The following SIPA1L3 variants were observed in gnomAD, a reference collection of about 807,000 sequenced individuals.
SIPA1L3 encodes signal induced proliferation associated 1 like 3, also known as signal-induced proliferation-associated 1-like protein 3.
A neutral mutation model predicts 150.1 loss-of-function variants in SIPA1L3; 59 were observed. The observed-to-expected ratio is 0.39, with a 90% confidence interval of 0.32 to 0.49. The LOEUF (loss-of-function observed/expected upper bound fraction) is 0.49. SIPA1L3 is among the 20% of genes least tolerant of loss of function. The pLI, the probability that SIPA1L3 is intolerant of heterozygous loss-of-function variation, is 0.86. For synonymous variants in SIPA1L3, 1,070 were observed against 1,077.6 expected, an observed-to-expected ratio of 0.99 and a Z score of 0.14; for missense variants, 2,211 against 2,489.5, an observed-to-expected ratio of 0.89 and a Z score of 2.38.
At chr19:38,152,376 G>A (rs1047838572) in intron 12 of SIPA1L3, among the ~76,000 whole-genome samples, 1 of 152,208 alleles carries the variant, frequency 6.6e-6, no homozygotes, top group Non-Finnish European at 1.5e-5. Flanking sequence ...GCCATGGTGA[G>A]CTTTGAAGCC....
chr19:38,015,154 C>T (rs1568502981), intron 1 of SIPA1L3, among the ~76,000 whole-genome samples: 1 of 152,194 alleles, frequency 6.6e-6, no homozygotes, highest in Non-Finnish European at 1.5e-5. Flanking sequence ...TCATTTCACT[C>T]ATTGGAATCA....
At chr19:38,013,516 TG>T (rs1314452510) in intron 1 of SIPA1L3, among the ~76,000 whole-genome samples, 1 of 152,230 alleles carries the variant, frequency 6.6e-6, no homozygotes, top group Non-Finnish European at 1.5e-5. Flanking sequence ...AGTCCCCTCC[TG>T]TGAGGACACC....
At chr19:38,119,958 G>A in intron 9 of SIPA1L3, 76 bp downstream of exon 9, 1 of 1,041,676 alleles carries the variant, frequency 9.6e-7, no homozygotes, top group East Asian at 2.5e-5. Context: ...TACTTCCCTA[G>A]CCCAGTCAGT....
intron 10 of SIPA1L3, among the ~76,000 whole-genome samples, chr19:38,136,176 A>ACT (rs3045987): frequency 0.62 from 63,083 of 101,132 alleles, 21,468 homozygotes; most frequent in African/African-American, 0.85. Context: ...AGAGAGTGAG[A>ACT]CTGTCTCAAA....
intron 10 of SIPA1L3, among the ~76,000 whole-genome samples, chr19:38,131,118 T>A (rs897109290): frequency 1.2e-4 from 18 of 152,184 alleles, no homozygotes; most frequent in Admixed American, 1.2e-3. Flanking sequence ...TCAAAATGTG[T>A]TTATTGAGCC....
At chr19:38,059,831 CA>C (rs1191637388) in intron 2 of SIPA1L3, among the ~76,000 whole-genome samples, 3 of 151,816 alleles carry the variant, frequency 2.0e-5, no homozygotes, top group East Asian at 3.9e-4. Context: ...GGCTGGAGTG[CA>C]GTAGTGCAAT....
At chr19:38,000,923 C>T (rs1001362965) in intron 1 of SIPA1L3, among the ~76,000 whole-genome samples, 2,811 of 130,230 alleles carry the variant, frequency 0.022, 90 homozygotes, top group African/African-American at 0.077. Context: ...ATATATATAA[C>T]ATATATATAA....
chr19:38,152,750 C>T (rs1253889523), intron 12 of SIPA1L3, 90 bp from the exon 13 acceptor site: 5 of 1,440,510 alleles, frequency 3.5e-6, no homozygotes, highest in Non-Finnish European at 4.7e-6. Context: ...GTCTAAAACC[C>T]ACTGGCGAGC....
chr19:38,005,345 C>T (rs952881553), intron 1 of SIPA1L3, among the ~76,000 whole-genome samples: 1 of 152,066 alleles, frequency 6.6e-6, no homozygotes, highest in South Asian at 2.1e-4. Flanking sequence ...GCCTGCCACC[C>T]GCCCCCACTC....
At chr19:38,024,719 T>C (rs994836735) in intron 1 of SIPA1L3, among the ~76,000 whole-genome samples, 12 of 152,324 alleles carry the variant, frequency 7.9e-5, no homozygotes, top group African/African-American at 2.9e-4. Context: ...TTGTGCTTTT[T>C]TTCCTGGAGG....
chr19:37,940,969 G>A (rs77636806), intron 1 of SIPA1L3, among the ~76,000 whole-genome samples: 1,562 of 152,056 alleles, frequency 0.01, 25 homozygotes, highest in African/African-American at 0.035. Context: ...GGATCTGACC[G>A]ATCATATCCC....
At chr19:38,127,810 G>A (rs1202207375) in intron 9 of SIPA1L3, among the ~76,000 whole-genome samples, 1 of 152,076 alleles carries the variant, frequency 6.6e-6, no homozygotes, top group Admixed American at 6.6e-5. Flanking sequence ...CACTCAGCCC[G>A]AGTTGCAACA....
intron 1 of SIPA1L3, among the ~76,000 whole-genome samples, chr19:37,954,527 A>C (rs2046792034): frequency 6.6e-6 from 1 of 152,136 alleles, no homozygotes. Context: ...CAGCCAGATC[A>C]GTTTTAGGAA....
At chr19:37,985,674 G>A (rs1036009031) in intron 1 of SIPA1L3, among the ~76,000 whole-genome samples, 5 of 152,210 alleles carry the variant, frequency 3.3e-5, no homozygotes, top group Admixed American at 2.0e-4. Flanking sequence ...GGGTGAGAAT[G>A]TGTTGGGAGG....
At chr19:38,140,158 G>A (rs1467830358) in intron 10 of SIPA1L3, among the ~76,000 whole-genome samples, 1 of 152,244 alleles carries the variant, frequency 6.6e-6, no homozygotes, top group African/African-American at 2.4e-5. Flanking sequence ...CTCGATGGGG[G>A]TATGGGCACT....
chr19:38,019,128 T>C (rs1968308335), intron 1 of SIPA1L3, among the ~76,000 whole-genome samples: 1 of 152,182 alleles, frequency 6.6e-6, no homozygotes, highest in Non-Finnish European at 1.5e-5. Flanking sequence ...GACTACCGGC[T>C]CATTTGAAAA....
intron 2 of SIPA1L3, among the ~76,000 whole-genome samples, chr19:38,041,043 G>A (rs1050095415): frequency 5.9e-5 from 9 of 151,802 alleles, no homozygotes; most frequent in African/African-American, 1.5e-4. Context: ...GATTACAGGC[G>A]TGAGCCACCG....
intron 2 of SIPA1L3, among the ~76,000 whole-genome samples, chr19:38,062,001 G>A (rs1163770110): frequency 1.3e-5 from 2 of 151,666 alleles, no homozygotes; most frequent in Non-Finnish European, 2.9e-5. Flanking sequence ...GTGTTGGATT[G>A]CTGCTCCCCA....
chr19:38,114,742 A>T (rs909715390), intron 8 of SIPA1L3, among the ~76,000 whole-genome samples: 1 of 152,228 alleles, frequency 6.6e-6, no homozygotes, highest in Non-Finnish European at 1.5e-5. Flanking sequence ...GTGCTGGGGA[A>T]TCCACTAAGC....
Sources: gnomAD v4.1 joint callset for allele counts (sites outside exome capture counted in the v4.1 genomes callset) on GRCh38, gnomAD v4.1.1 for gene constraint, MANE v1.5 for transcripts, NCBI Gene and HGNC (gene_info 2026-07-23, HGNC 2026-07-21) for gene names.